Variants in SPEG observed in about 807,000 individuals in gnomAD.
SPEG encodes striated muscle preferentially expressed protein kinase.
SPEG carries 114 observed loss-of-function variants against 300.4 expected under a neutral mutation model. The ratio of observed to expected loss-of-function variants is 0.38; its 90% CI spans 0.33 to 0.44. The LOEUF (loss-of-function observed/expected upper bound fraction) is 0.44, where lower values mean the gene tolerates loss of function less well. Ranked by LOEUF, SPEG falls within the 20% of genes least tolerant of loss-of-function variation. The pLI is 1.00. For synonymous variants in SPEG, 1,964 were observed against 2,018.9 expected (o/e 0.97, Z 0.73); for missense variants, 4,201 against 4,586.2 (o/e 0.92, Z 2.43).
intron 9 of SPEG, chr2:219,465,913 G>C: frequency 1.5e-6 from 1 of 682,042 alleles, no homozygotes; most frequent in African/African-American, 1.8e-5. Flanking sequence ...GTGTGCATGC[G>C]TGTGTGTGTG....
chr2:219,465,589 C>G (rs926477416), intron 9 of SPEG: 4 of 200,960 alleles, frequency 2.0e-5, no homozygotes, highest in African/African-American at 9.3e-5. Flanking sequence ...CCTTCCGACA[C>G]CCCCAGGCTT....
chr2:219,483,036 C>A, intron 29 of SPEG, 62 bp from the exon 30 acceptor site: 1 of 1,531,000 alleles, frequency 6.5e-7, no homozygotes, highest in Non-Finnish European at 8.8e-7. Context: ...CTGAGGTGGG[C>A]CTGGGGGGGA....
intron 6 of SPEG, among the ~76,000 whole-genome samples, chr2:219,456,916 AAAAAAAAAGAAAAGAAAAAG>A (rs1690231161): frequency 2.0e-5 from 1 of 50,800 alleles, no homozygotes. Flanking sequence ...CTCAAAAAAA[AAAAAAAAAGAAAAGAAAAAG>A]AAAAAAAAGA....
rs777541941 is a variant in SPEG at position 219,477,926 on chromosome 2, G to A, written c.4848G>A (p.Arg1616=). ...CCAGGGGTGCTTTCTCCTACTTGCG[G>A]CGCATAGTGGAGCGTAGCTCCGGCC... ...EIGRGAFSYL[R]RIVERSSGLE... Residue 1616 remains arginine, a synonymous_variant, in exon 22 of 41, where the codon CGG becomes CGA. Coordinates refer to ENST00000312358, the MANE Select transcript of SPEG (RefSeq NM_005876.5). This position sits in a 1 kb window ranked among gnomAD's most constrained non-coding sequence, Gnocchi z 6.4. 3 of 1,614,040 alleles carry A rather than the reference G, an allele frequency of 1.9e-6. No individual in the cohort carries two copies. Among genetic ancestry groups the A allele is most frequent in the Admixed American group, 1.7e-5 (1 of 60,008 alleles).
At chr2:219,460,118 A>G (rs1439872598) in intron 6 of SPEG, among the ~76,000 whole-genome samples, 1 of 152,180 alleles carries the variant, frequency 6.6e-6, no homozygotes, top group Admixed American at 6.5e-5. Flanking sequence ...GTGGCGGGCA[A>G]GTTGCCAACA....
chr2:219,477,395 A>G lies in SPEG; in HGVS notation c.4679A>G (p.Gln1560Arg), dbSNP rs1286974389. The change falls in exon 20 of 41, where the codon CAG becomes CGG. Residue 1560 changes from glutamine to arginine, a missense_variant. By Grantham distance (43) the Gln-to-Arg change is conservative. Transcript: ENST00000312358. The surrounding 1 kb of genome is among the most constrained non-coding windows in gnomAD (Gnocchi z 6.4). ...GGAGGCGTCTACACCTGCACCGCCC[A>G]GAACCTGGCGGGTGAGGTCTCCTGC... is the stretch of plus-strand genomic sequence containing the variant. ...QDGGVYTCTA[Q>R]NLAGEVSCKA... 1.9e-5 allele frequency: 30 copies of G among 1,607,984 alleles called. No individual in the cohort carries two copies. Among genetic ancestry groups the G allele is most frequent in the Non-Finnish European group, 2.5e-5 (29 of 1,177,360 alleles).
chr2:219,460,503 C>T (rs2125386603), intron 6 of SPEG: 5 of 985,470 alleles, frequency 5.1e-6, no homozygotes, highest in South Asian at 4.7e-5. Context: ...TGCCACCCCT[C>T]CCCTGTCTTG....
rs756276950 is a variant in SPEG, at chr2:219,483,960, C to T, written c.6497C>T (p.Ser2166Phe). 3.7e-6 allele frequency: 6 copies of T among 1,608,280 alleles called. No individual in the cohort carries two copies. The South Asian group carries it at 6.6e-5, about 18-fold the overall frequency. Residue 2166 changes from serine to phenylalanine, a missense_variant, in exon 30 of 41, where the codon TCC becomes TTC. Transcript: ENST00000312358. ...LGARRLQESP[S>F]LSALSEAQPS... is the part of the protein sequence containing the mutation. ...GCCCGTAGGCTACAGGAGTCTCCTT[C>T]CCTGTCTGCCCTCAGCGAGGCCCAG... is the stretch of plus-strand genomic sequence containing the variant.
Position 219,465,864 on chromosome 2 carries a change from T to C in SPEG, c.2881+1256T>C, listed in dbSNP as rs543983634. On this transcript the variant is annotated intron_variant, in intron 9 of 40. Transcript: ENST00000312358. ...ATGTGCATGCATGTGTGTGCATGTG[T>C]GTGCGTGTGTGCGTGCGTGTGCATG... The C allele has an allele frequency of 2.2e-4, 138 of 618,624 alleles. 1 individual carries two copies. The highest frequency in any genetic ancestry group is 4.0e-4 in the Middle Eastern group (1 of 2,504). The allele number at this position is 618,624 out of a possible 1,614,324, so 38.3% of individuals were successfully genotyped here.
At position 219,435,286 on chromosome 2, in the gene SPEG, C is replaced by T. The variant is rs1301009356; in HGVS notation, c.309C>T (p.Ala103=). ...TGCGGCGCTGCGGGGCGCAGGACGC[C>T]GGCGTGTACAGCTGCATGGCCCAGA... is the stretch of plus-strand genomic sequence containing the variant. ...LWLRRCGAQD[A]GVYSCMAQNE... The change falls in exon 1 of 41, where the codon GCC becomes GCT. Residue 103 remains alanine, a synonymous_variant. Transcript: ENST00000312358. The T allele has an allele frequency of 4.6e-6, 7 of 1,507,700 alleles. No homozygotes were observed. In the East Asian group the frequency reaches 1.3e-4, roughly 29 times the overall value. The allele number at this position is 1,507,700 out of a possible 1,614,324, so 93.4% of individuals were successfully genotyped here.
intron 6 of SPEG, among the ~76,000 whole-genome samples, chr2:219,456,244 C>T (rs1690170164): frequency 6.6e-6 from 1 of 152,228 alleles, no homozygotes; most frequent in African/African-American, 2.4e-5. Flanking sequence ...GGAAGAAAAC[C>T]TTAGCATCCA....
chr2:219,489,689 G>T lies in SPEG; in HGVS notation c.8671G>T (p.Val2891Phe), dbSNP rs778328963. The T allele has an allele frequency of 2.5e-6, 4 of 1,613,990 alleles. No homozygotes were observed. The highest frequency in any genetic ancestry group is 3.3e-5 in the Admixed American group (2 of 60,006). ...GATCCCAGCCTCCACTCCTCAAGGG[G>T]TTAAACCAGTGTCTTCCTCTACTCC... ...TPIPASTPQGVKPVSSSTPVY... is the reference protein window; with the variant it reads ...TPIPASTPQGFKPVSSSTPVY... Residue 2891 changes from valine (V) to phenylalanine (F), a missense_variant, in exon 36 of 41, where the codon GTT (valine) becomes TTT (phenylalanine). Val to Phe is a conservative substitution (Grantham distance 50). Transcript: ENST00000312358.
At chr2:219,461,453 G>A in intron 6 of SPEG, 1 of 1,032,962 alleles carries the variant, frequency 9.7e-7, no homozygotes, top group Non-Finnish European at 1.2e-6. Flanking sequence ...CCCAAGAAAT[G>A]GGCGTCCTAG....
intron 13 of SPEG, among the ~76,000 whole-genome samples, chr2:219,471,203 A>G (rs1691845160): frequency 6.6e-6 from 1 of 152,140 alleles, no homozygotes; most frequent in Admixed American, 6.5e-5. Context: ...CACTTAAACT[A>G]TGTCTTGAAG....
At position 219,471,860 on chromosome 2, in the gene SPEG, C is replaced by T. The variant is rs1469233925; in HGVS notation, c.3716-8C>T. The T allele has an allele frequency of 1.2e-6, 2 of 1,613,924 alleles. No homozygotes were observed. Among genetic ancestry groups the T allele is most frequent in the Admixed American group, 1.7e-5 (1 of 60,014 alleles). ...TCAGGCCCAGTGTCACTGTCCCTCC[C>T]CTCCCAGACAGGGATGTCCATCGCT... is the stretch of plus-strand genomic sequence containing the variant. On this transcript the variant is annotated splice_polypyrimidine_tract_variant and splice_region_variant and intron_variant, in intron 13 of 40. Transcript: ENST00000312358.
chr2:219,461,017 G>C (rs574991804), intron 6 of SPEG: 4 of 983,224 alleles, frequency 4.1e-6, no homozygotes, highest in African/African-American at 1.7e-5. Context: ...GTACAGCCCT[G>C]CTGGGGGCTT....
intron 18 of SPEG, among the ~76,000 whole-genome samples, chr2:219,475,963 C>T (rs1010756806): frequency 2.6e-5 from 4 of 151,782 alleles, no homozygotes; most frequent in African/African-American, 9.7e-5. Context: ...CCCGGCCGCC[C>T]TGCCTTCCCA....
rs1689449711 is a variant in SPEG at position 219,448,066 on chromosome 2, C to T, written c.908C>T (p.Pro303Leu). The T allele has an allele frequency of 6.2e-7, 1 of 1,610,564 alleles. No homozygotes were observed. The highest frequency in any genetic ancestry group is 1.7e-4 in the Middle Eastern group (1 of 6,046). Reference sequence around the variant, plus strand: ...CCACGCCGCCCTGCCCAGCCGCCTCCTTCCAAATCCGCGCTGCTCCCCCCA... The same window carrying T: ...CCACGCCGCCCTGCCCAGCCGCCTCTTTCCAAATCCGCGCTGCTCCCCCCA... ...EAPRRPAQPP[P>L]SKSALLPPPS... Residue 303 changes from proline (P) to leucine (L), a missense_variant, in exon 4 of 41, where the codon CCT becomes CTT. Physicochemically the swap from Pro to Leu is moderately conservative, Grantham distance 98 (BLOSUM62 -3). Around this residue, in one of 4 missense-constraint regions of SPEG, gnomAD observed 1,258 missense variants for 1,293.9 expected, o/e 0.97. Transcript: ENST00000312358.
rs752057284 is a variant in SPEG at position 219,488,157 on chromosome 2, C to T, written c.7742-37C>T. ...CCCTCAGCAGTAAGTGGGCCAGGGT[C>T]CCTACAGATAGATGGCTGTCTCTGC... is the stretch of plus-strand genomic sequence containing the variant. On this transcript the variant is annotated intron_variant, in intron 31 of 40. Transcript: ENST00000312358. 2.1e-6 allele frequency: 3 copies of T among 1,432,482 alleles called. No homozygotes were observed. The South Asian group carries it at 3.5e-5, about 17-fold the overall frequency. 88.7% of individuals were successfully genotyped at this position (1,432,482 alleles called of 1,614,324 possible).
Sources: allele counts gnomAD v4.1 joint callset (sites outside exome capture counted in the v4.1 genomes callset), GRCh38; gene constraint gnomAD v4.1.1; regional missense constraint gnomAD v4.1.1; non-coding constraint Gnocchi (gnomAD v3.1); transcripts MANE v1.5; gene names NCBI Gene and HGNC (gene_info 2026-07-23, HGNC 2026-07-21).